Variants in TBC1D22A observed in about 807,000 individuals in gnomAD.
TBC1D22A encodes TBC1 domain family member 22A.
In TBC1D22A, 38 loss-of-function variants were observed where a neutral mutation model predicts 60.2. That is an observed-to-expected ratio of 0.63 (90% CI 0.49 to 0.83). The LOEUF is 0.83. Among genes scored for constraint, TBC1D22A ranks in the 40% least tolerant of loss-of-function variants. The pLI, the probability that TBC1D22A is intolerant of heterozygous loss-of-function variation, is 0.00. For missense variants in TBC1D22A, 628 were observed against 701.0 expected (o/e 0.90, Z 1.18); for synonymous variants, 302 against 281.7 (o/e 1.07, Z -0.72).
At chr22:46,793,955 C>G (rs1393029924) in intron 3 of TBC1D22A, 114 bp downstream of exon 3, 2 of 1,045,086 alleles carry the variant, frequency 1.9e-6, no homozygotes, top group Non-Finnish European at 2.7e-6. Context: ...TGCAGCAGGC[C>G]CCCTGGCCCA....
At chr22:47,087,026 T>G (rs1242093194) in intron 11 of TBC1D22A, among the ~76,000 whole-genome samples, 4 of 152,238 alleles carry the variant, frequency 2.6e-5, no homozygotes, top group Non-Finnish European at 5.9e-5. Flanking sequence ...GAAAGGAATG[T>G]GGGTGCTCCG....
At chr22:47,144,143 AAT>A in intron 12 of TBC1D22A, among the ~76,000 whole-genome samples, 1 of 152,208 alleles carries the variant, frequency 6.6e-6, no homozygotes, top group East Asian at 1.9e-4. Context: ...GGTGTCCCAA[AAT>A]ATCACTGTCT....
At chr22:47,081,046 G>T (rs1273832994) in intron 11 of TBC1D22A, among the ~76,000 whole-genome samples, 1 of 151,696 alleles carries the variant, frequency 6.6e-6, no homozygotes, top group East Asian at 1.9e-4. Context: ...CTTGAACCTG[G>T]GAGGCGAAGG....
chr22:46,899,271 A>G (rs1159682775), intron 7 of TBC1D22A, among the ~76,000 whole-genome samples: 2 of 151,930 alleles, frequency 1.3e-5, no homozygotes, highest in Non-Finnish European at 2.9e-5. Context: ...ACATGGTGAA[A>G]CCTTGTCTCT....
intron 8 of TBC1D22A, among the ~76,000 whole-genome samples, chr22:46,967,633 G>C (rs912718403): frequency 2.6e-5 from 4 of 152,172 alleles, no homozygotes; most frequent in Non-Finnish European, 5.9e-5. Flanking sequence ...CTTGCTACCA[G>C]TGTCCTGGAA....
At chr22:47,016,638 T>A (rs1296306142) in intron 10 of TBC1D22A, among the ~76,000 whole-genome samples, 1 of 152,180 alleles carries the variant, frequency 6.6e-6, no homozygotes, top group Non-Finnish European at 1.5e-5. Context: ...CCACTTAGGA[T>A]CCAGGAGCCC....
chr22:46,838,690 C>T (rs147634574), intron 4 of TBC1D22A, among the ~76,000 whole-genome samples: 6 of 152,134 alleles, frequency 3.9e-5, no homozygotes, highest in African/African-American at 1.2e-4. Context: ...AATTCAACAG[C>T]ACACTGAAAG....
At chr22:46,962,113 G>A (rs116914140) in intron 8 of TBC1D22A, among the ~76,000 whole-genome samples, 4,993 of 152,258 alleles carry the variant, frequency 0.033, 123 homozygotes, top group Middle Eastern at 0.048. Flanking sequence ...GAGGAGATGC[G>A]GGTGTCTCTA....
At chr22:46,876,697 C>T (rs1212915256) in intron 4 of TBC1D22A, among the ~76,000 whole-genome samples, 2 of 152,206 alleles carry the variant, frequency 1.3e-5, no homozygotes, top group African/African-American at 2.4e-5. Context: ...CTTAAGTAGG[C>T]GCCTAGGCCC....
intron 4 of TBC1D22A, among the ~76,000 whole-genome samples, chr22:46,816,111 C>T (rs576079192): frequency 3.9e-5 from 6 of 152,244 alleles, no homozygotes; most frequent in South Asian, 2.1e-4. Context: ...CTGGCTGCTG[C>T]GAGTGTCCTG....
intron 8 of TBC1D22A, among the ~76,000 whole-genome samples, chr22:46,925,537 C>G (rs1241608508): frequency 6.6e-6 from 1 of 152,226 alleles, no homozygotes; most frequent in African/African-American, 2.4e-5. Context: ...AGTTTAATAA[C>G]AGTATGGCTT....
chr22:46,806,243 C>T (rs2085129734), intron 4 of TBC1D22A, among the ~76,000 whole-genome samples: 1 of 152,112 alleles, frequency 6.6e-6, no homozygotes, highest in African/African-American at 2.4e-5. Flanking sequence ...TTGCATTGAA[C>T]TGTCTACAGA....
chr22:46,983,698 T>G (rs1322508370), intron 9 of TBC1D22A, among the ~76,000 whole-genome samples: 4 of 148,100 alleles, frequency 2.7e-5, no homozygotes, highest in Non-Finnish European at 2.9e-5. Flanking sequence ...AGACCAGGTT[T>G]TTTTTTTTTT....
At chr22:46,837,506 G>C (rs1183174738) in intron 4 of TBC1D22A, among the ~76,000 whole-genome samples, 1 of 152,120 alleles carries the variant, frequency 6.6e-6, no homozygotes, top group African/African-American at 2.4e-5. Flanking sequence ...CACAAAACAA[G>C]TCTTAACAAA....
intron 12 of TBC1D22A, among the ~76,000 whole-genome samples, chr22:47,119,605 T>A (rs920096622): frequency 3.3e-5 from 5 of 152,054 alleles, no homozygotes; most frequent in African/African-American, 4.8e-5. Context: ...CAAGTGATTC[T>A]CCTGCCTCAG....
intron 4 of TBC1D22A, among the ~76,000 whole-genome samples, chr22:46,868,394 A>G (rs1176561152): frequency 2.0e-5 from 3 of 152,358 alleles, no homozygotes; most frequent in Admixed American, 2.0e-4. Flanking sequence ...TATATGAACC[A>G]TAAATGAATT....
intron 1 of TBC1D22A, among the ~76,000 whole-genome samples, chr22:46,771,490 C>T (rs1292979086): frequency 6.6e-6 from 1 of 152,090 alleles, no homozygotes; most frequent in African/African-American, 2.4e-5. Flanking sequence ...ATACACTGAA[C>T]CCAGTCTTTT....
chr22:47,047,315 C>T (rs994024209), intron 11 of TBC1D22A, among the ~76,000 whole-genome samples: 3 of 152,210 alleles, frequency 2.0e-5, no homozygotes, highest in Non-Finnish European at 4.4e-5. Context: ...ATATTAAATA[C>T]GAATCATACA....
At position 46,899,625 on chromosome 22, in the gene TBC1D22A, A is replaced by G. The variant is rs190016751; in HGVS notation, c.900+4779A>G. ...TCCAGTACGAGGTCATTGTCAGCAC[A>G]TTGTTTGTTCCTCTATATGCTTGGC... On this transcript the variant is annotated intron_variant, in intron 7 of 12. Transcript: ENST00000337137. 2.9e-3 allele frequency among the ~76,000 whole-genome samples: 439 copies of G among 152,266 alleles called. 4 individuals are homozygous for G. Among genetic ancestry groups the G allele is most frequent in the Middle Eastern group, 3.4e-3 (1 of 294 alleles).
Sources: gnomAD v4.1 joint callset for allele counts (sites outside exome capture counted in the v4.1 genomes callset) on GRCh38, gnomAD v4.1.1 for gene constraint, MANE v1.5 for transcripts, NCBI Gene and HGNC (gene_info 2026-07-23, HGNC 2026-07-21) for gene names.